The following NOX4 variants were observed in gnomAD, a reference collection of about 807,000 sequenced individuals.
NOX4 encodes NADPH oxidase 4, also known as kidney oxidase-1.
A neutral mutation model predicts 87.6 loss-of-function variants in NOX4; 69 were observed. That is an observed-to-expected ratio of 0.79 (90% CI 0.65 to 0.96). The LOEUF (loss-of-function observed/expected upper bound fraction) is 0.96, where lower values mean the gene tolerates loss of function less well. Among genes scored for constraint, NOX4 ranks in the 40% least tolerant of loss-of-function variants. The pLI is 0.00. For synonymous variants in NOX4, 275 were observed against 238.2 expected (o/e 1.15, Z -1.42); for missense variants, 680 against 681.5 (o/e 1.00, Z 0.02).
intron 17 of NOX4, among the ~76,000 whole-genome samples, chr11:89,330,984 A>G (rs1347154162): frequency 6.6e-6 from 1 of 151,984 alleles, no homozygotes; most frequent in African/African-American, 2.4e-5. Context: ...CTATCAACCT[A>G]TTGGAACTAA....
At chr11:89,507,156 T>C in the NOX4 span, among the ~76,000 whole-genome samples, 2 of 151,844 alleles carry the variant, frequency 1.3e-5, no homozygotes, top group Non-Finnish European at 2.9e-5. Flanking sequence ...TGGGCTGGGA[T>C]AGCAACGGAT....
the NOX4 span, among the ~76,000 whole-genome samples, chr11:89,557,772 G>A: frequency 6.6e-6 from 1 of 152,014 alleles, no homozygotes; most frequent in Non-Finnish European, 1.5e-5. Context: ...TGGGATGGGG[G>A]TTACATGGGG....
the NOX4 span, among the ~76,000 whole-genome samples, chr11:89,534,935 T>A: frequency 2.6e-5 from 4 of 152,224 alleles, no homozygotes; most frequent in Admixed American, 2.0e-4. Flanking sequence ...TGAGGAAGAA[T>A]TCTCTAAAAG....
chr11:89,489,663 G>C (rs2135494998), intron 2 of NOX4, among the ~76,000 whole-genome samples: 1 of 151,318 alleles, frequency 6.6e-6, no homozygotes, highest in East Asian at 1.9e-4. Flanking sequence ...GGCAATCAGA[G>C]GTTGCAGTGA....
rs962988260 is a variant in NOX4 at position 89,375,187 on chromosome 11, G to T, written c.1075-1695C>A. ...TATAGGATTTTTACTGCTAACAGTA[G>T]TATAAAATATTAAAATTGAAATATT... On this transcript the variant is annotated intron_variant, in intron 11 of 17. Coordinates refer to ENST00000263317, the MANE Select transcript of NOX4 (RefSeq NM_016931.5). 1.4e-4 allele frequency among the ~76,000 whole-genome samples: 22 copies of T among 152,210 alleles called. 1 individual carries two copies. The East Asian group carries it at 3.7e-3, about 25-fold the overall frequency.
At chr11:89,394,343 T>C (rs1295648381) in intron 11 of NOX4, among the ~76,000 whole-genome samples, 2 of 120,728 alleles carry the variant, frequency 1.7e-5, no homozygotes, top group African/African-American at 7.8e-5. Context: ...TGTTGAAAAA[T>C]AGTTTAAAAA....
intron 11 of NOX4, among the ~76,000 whole-genome samples, chr11:89,381,970 G>A (rs746129684): frequency 2.6e-5 from 4 of 152,044 alleles, no homozygotes; most frequent in African/African-American, 7.2e-5. Flanking sequence ...CATTTTATCC[G>A]TGAACCCAAA....
chr11:89,508,526 G>T, the NOX4 span, among the ~76,000 whole-genome samples: 1 of 152,026 alleles, frequency 6.6e-6, no homozygotes, highest in South Asian at 2.1e-4. Flanking sequence ...CAGCTTCTAA[G>T]CAATGAGATA....
intron 15 of NOX4, among the ~76,000 whole-genome samples, chr11:89,339,720 T>C (rs1590960171): frequency 6.6e-6 from 1 of 152,166 alleles, no homozygotes; most frequent in East Asian, 1.9e-4. Flanking sequence ...AGGAGCCTTC[T>C]GGTATTTCCC....
the NOX4 span, among the ~76,000 whole-genome samples, chr11:89,551,702 A>T: frequency 6.6e-6 from 1 of 152,142 alleles, no homozygotes; most frequent in East Asian, 1.9e-4. Flanking sequence ...GGCTGAGATG[A>T]TGGGGTTTTC....
At chr11:89,498,216 T>C (rs1300164268), upstream of NOX4, 1 of 152,210 alleles carries the variant, frequency 6.6e-6, no homozygotes, top group Non-Finnish European at 1.5e-5. Flanking sequence ...TATGTTGTTG[T>C]TTAATGTATT....
chr11:89,553,941 T>G, the NOX4 span, among the ~76,000 whole-genome samples: 4 of 151,736 alleles, frequency 2.6e-5, no homozygotes, highest in African/African-American at 9.7e-5. Flanking sequence ...CCTACCCAAG[T>G]TAGACTCCTA....
intron 2 of NOX4, among the ~76,000 whole-genome samples, chr11:89,477,784 A>C (rs1011714137): frequency 6.6e-6 from 1 of 152,004 alleles, no homozygotes; most frequent in Non-Finnish European, 1.5e-5. Flanking sequence ...CGAAGGTTTT[A>C]TAAAGGCCAA....
chr11:89,422,845 G>A (rs1374278635), intron 7 of NOX4, among the ~76,000 whole-genome samples: 1 of 144,340 alleles, frequency 6.9e-6, no homozygotes, highest in Non-Finnish European at 1.5e-5. Context: ...TGTCGCCTAG[G>A]CTGGAGTGCA....
At chr11:89,399,535 C>T (rs4500492) in intron 11 of NOX4, among the ~76,000 whole-genome samples, 3,194 of 146,480 alleles carry the variant, frequency 0.022, 71 homozygotes, top group East Asian at 0.095. Context: ...GGGATCAAGG[C>T]TCAATGAAAC....
the NOX4 span, among the ~76,000 whole-genome samples, chr11:89,569,921 G>A: frequency 1.3e-5 from 2 of 150,764 alleles, no homozygotes; most frequent in South Asian, 2.1e-4. Context: ...AGAATGGCAC[G>A]AACCTGGGAG....
intron 2 of NOX4, among the ~76,000 whole-genome samples, chr11:89,463,799 T>G (rs1945568172): frequency 6.6e-6 from 1 of 151,960 alleles, no homozygotes; most frequent in Admixed American, 6.6e-5. Context: ...ATATAATACC[T>G]TCTGGACTAT....
rs922902436 is a variant in NOX4 at position 89,404,819 on chromosome 11, A to G, written c.630-2277T>C. On this transcript the variant is annotated intron_variant, in intron 8 of 17. Transcript: ENST00000263317. ...GAAGATTAATGCTTGCTAAGAAAGTATCATATCAGTAATTTTTAGAACATC... is the reference window on the plus strand; with the variant it reads ...GAAGATTAATGCTTGCTAAGAAAGTGTCATATCAGTAATTTTTAGAACATC... 3.3e-5 allele frequency among the ~76,000 whole-genome samples: 5 copies of G among 152,252 alleles called. No homozygotes were observed. The South Asian group carries it at 6.2e-4, about 19-fold the overall frequency.
chr11:89,360,569 T>C (rs1347624074), intron 12 of NOX4, among the ~76,000 whole-genome samples: 1 of 152,096 alleles, frequency 6.6e-6, no homozygotes, highest in Non-Finnish European at 1.5e-5. Flanking sequence ...CCTGAGTTCT[T>C]GACCTTAGTC....
Sources: allele counts gnomAD v4.1 joint callset (sites outside exome capture counted in the v4.1 genomes callset), GRCh38; gene constraint gnomAD v4.1.1; transcripts MANE v1.5; gene names NCBI Gene and HGNC (gene_info 2026-07-23, HGNC 2026-07-21).